Variants in CKAP5 observed in about 807,000 individuals in gnomAD.
The protein encoded by CKAP5 is cytoskeleton-associated protein 5.
In CKAP5, 27 loss-of-function variants were observed where a neutral mutation model predicts 232.8. The ratio of observed to expected loss-of-function variants is 0.12; its 90% CI spans 0.09 to 0.16. The LOEUF is 0.16. CKAP5 is among the 10% of genes least tolerant of loss of function. CKAP5 has a pLI of 1.00. For synonymous variants in CKAP5, 785 were observed against 841.1 expected (o/e 0.93, Z 1.16); for missense variants, 1,838 against 2,424.7 (o/e 0.76, Z 5.08).
chr11:46,793,015 G>A (rs1218572819), intron 13 of CKAP5, among the ~76,000 whole-genome samples: 1 of 152,062 alleles, frequency 6.6e-6, no homozygotes, highest in Non-Finnish European at 1.5e-5. Context: ...ACAGATACCC[G>A]GTTTCTACTA....
At chr11:46,780,612 T>TA (rs2065334271) in intron 18 of CKAP5, 127 bp from the exon 19 acceptor site, 1 of 695,588 alleles carries the variant, frequency 1.4e-6, no homozygotes, top group African/African-American at 1.8e-5. Flanking sequence ...CTTCCTACAC[T>TA]AACTTTATTT....
At chr11:46,809,954 A>AT (rs1376773389) in intron 5 of CKAP5, 80 bp from the exon 6 acceptor site, 14 of 1,356,302 alleles carry the variant, frequency 1.0e-5, no homozygotes, top group Non-Finnish European at 1.4e-5. Context: ...ATTTATTGAC[A>AT]TATCAGGACC....
intron 37 of CKAP5, 87 bp downstream of exon 37, chr11:46,753,223 G>C (rs1469640030): frequency 9.5e-7 from 1 of 1,051,172 alleles, no homozygotes; most frequent in Non-Finnish European, 1.4e-6. Context: ...AGGTTGCCTA[G>C]GAAGTTGACT....
chr11:46,788,133 G>C (rs899142268), intron 16 of CKAP5, among the ~76,000 whole-genome samples: 1 of 152,190 alleles, frequency 6.6e-6, no homozygotes, highest in Non-Finnish European at 1.5e-5. Context: ...GGCAACAGTA[G>C]GCTATTAGTA....
intron 37 of CKAP5, 193 bp downstream of exon 37, chr11:46,753,117 A>G: frequency 2.1e-6 from 1 of 487,584 alleles, no homozygotes; most frequent in Non-Finnish European, 3.6e-6. Flanking sequence ...AGAGTAATAA[A>G]TCAACTTCCT....
chr11:46,815,044 A>T (rs1203089489), intron 4 of CKAP5, among the ~76,000 whole-genome samples: 1 of 152,124 alleles, frequency 6.6e-6, no homozygotes, highest in Non-Finnish European at 1.5e-5. Context: ...GCCAATTTTT[A>T]AAATGTATTT....
chr11:46,794,169 T>C (rs1938812933), intron 13 of CKAP5, among the ~76,000 whole-genome samples: 1 of 152,136 alleles, frequency 6.6e-6, no homozygotes, highest in South Asian at 2.1e-4. Flanking sequence ...GGCAAAAGCA[T>C]CATAAGCCTG....
chr11:46,798,259 A>G, intron 9 of CKAP5, 87 bp from the exon 10 acceptor site: 1 of 962,702 alleles, frequency 1.0e-6, no homozygotes, highest in African/African-American at 1.6e-5. Flanking sequence ...AACCTTAAAA[A>G]TAGTATGCTA....
At chr11:46,786,359 G>T (rs190526864) in intron 16 of CKAP5, among the ~76,000 whole-genome samples, 123 of 152,238 alleles carry the variant, frequency 8.1e-4, no homozygotes, top group Non-Finnish European at 1.5e-3. Context: ...ACTGGCAGGT[G>T]GGGGGACAGC....
At chr11:46,799,636 G>A (rs1938980712) in intron 9 of CKAP5, among the ~76,000 whole-genome samples, 1 of 152,178 alleles carries the variant, frequency 6.6e-6, no homozygotes, top group Non-Finnish European at 1.5e-5. Flanking sequence ...ACAACAAACT[G>A]AAACAAAGCC....
intron 4 of CKAP5, among the ~76,000 whole-genome samples, chr11:46,811,919 C>T (rs1271581038): frequency 6.6e-6 from 1 of 152,142 alleles, no homozygotes. Context: ...AGATAGATCA[C>T]AAATCTTGGC....
Position 46,743,971 on chromosome 11 carries a change from A to ACTT in CKAP5, c.*49_*51dup, listed in dbSNP as rs2065003619. 7 of 1,608,516 alleles carry ACTT rather than the reference A, an allele frequency of 4.4e-6. No individual in the cohort carries two copies. Among genetic ancestry groups the ACTT allele is most frequent in the Admixed American group, 3.3e-5 (2 of 59,732 alleles). ...GCTGAGGCCATTTTAAACTATGAGG[A>ACTT]CTTCTAGTTTAGTAAACTAAAGCTG... is the stretch of plus-strand genomic sequence containing the variant. On this transcript the variant is annotated 3_prime_UTR_variant, in exon 44 of 44. Transcript: ENST00000529230.
chr11:46,846,002 C>T (rs1243768111), intron 1 of CKAP5, among the ~76,000 whole-genome samples: 1 of 151,684 alleles, frequency 6.6e-6, no homozygotes, highest in Non-Finnish European at 1.5e-5. Context: ...AGCCCAACCC[C>T]GGCCTCCGCC....
chr11:46,759,768 A>T (rs888684515), intron 33 of CKAP5, among the ~76,000 whole-genome samples: 21 of 152,208 alleles, frequency 1.4e-4, no homozygotes, highest in African/African-American at 5.1e-4. Flanking sequence ...ATTTGTATTG[A>T]CTCAAAGTTC....
At chr11:46,791,761 T>C (rs572157548) in intron 13 of CKAP5, among the ~76,000 whole-genome samples, 8 of 152,246 alleles carry the variant, frequency 5.3e-5, no homozygotes, top group African/African-American at 1.7e-4. Flanking sequence ...CACAAGAAAG[T>C]AGTATATTAC....
intron 15 of CKAP5, 120 bp from the exon 16 acceptor site, chr11:46,788,893 G>C: frequency 1.5e-6 from 1 of 678,776 alleles, no homozygotes. Flanking sequence ...GAACTGAGGA[G>C]GGTTATTGAG....
intron 1 of CKAP5, among the ~76,000 whole-genome samples, chr11:46,834,400 T>G (rs1431349437): frequency 2.0e-5 from 3 of 151,054 alleles, no homozygotes; most frequent in Non-Finnish European, 4.4e-5. Flanking sequence ...ATGCCTGCAG[T>G]CCCAGCTACT....
chr11:46,842,514 G>A lies in CKAP5; in HGVS notation c.-38+3706C>T, dbSNP rs372295696. ...CCTTAATGTGGATAACCTTACTGTTGCAAAATCAAAAGACAGTTCGAGAAG... is the reference window on the plus strand; with the variant it reads ...CCTTAATGTGGATAACCTTACTGTTACAAAATCAAAAGACAGTTCGAGAAG... On this transcript the variant is annotated intron_variant, in intron 1 of 43. Transcript: ENST00000529230. Among the ~76,000 whole-genome samples the A allele has an allele frequency of 2.0e-5, 3 of 152,284 alleles. No individual in the cohort carries two copies. In the South Asian group the frequency reaches 6.2e-4, roughly 32 times the overall value.
intron 16 of CKAP5, 81 bp from the exon 17 acceptor site, chr11:46,784,754 A>G: frequency 9.9e-7 from 1 of 1,009,484 alleles, no homozygotes; most frequent in Non-Finnish European, 1.5e-6. Context: ...CATGTAACAG[A>G]TATGACATGG....
Sources: gnomAD v4.1 joint callset for allele counts (sites outside exome capture counted in the v4.1 genomes callset) on GRCh38, gnomAD v4.1.1 for gene constraint, MANE v1.5 for transcripts, NCBI Gene and HGNC (gene_info 2026-07-23, HGNC 2026-07-21) for gene names.